TUSC3: variants seen among roughly 807,000 people sequenced by gnomAD.
TUSC3 encodes dolichyl-diphosphooligosaccharide--protein glycosyltransferase subunit TUSC3.
Under a neutral mutation model 44.8 loss-of-function variants are expected in TUSC3, and 45 were observed. That is an observed-to-expected ratio of 1.00 (90% confidence interval 0.79 to 1.29). The LOEUF (loss-of-function observed/expected upper bound fraction) is 1.29, where lower values mean the gene tolerates loss of function less well. TUSC3 is among the 50% of genes most tolerant of loss of function. TUSC3 has a pLI of 0.00. For missense variants in TUSC3, 519 were observed against 437.9 expected (o/e 1.19, Z -1.65); for synonymous variants, 212 against 152.9 (o/e 1.39, Z -2.85).
the TUSC3 span, among the ~76,000 whole-genome samples, chr8:15,849,274 G>A: frequency 6.6e-6 from 1 of 152,030 alleles, no homozygotes; most frequent in African/African-American, 2.4e-5. Context: ...AATATTTAGA[G>A]GTAGTGATAT....
intron 7 of TUSC3, among the ~76,000 whole-genome samples, chr8:15,734,525 A>C (rs1198324359): frequency 6.6e-6 from 1 of 152,176 alleles, no homozygotes; most frequent in African/African-American, 2.4e-5. Context: ...ATATTTTTGC[A>C]AGTAAAAATT....
intron 6 of TUSC3, among the ~76,000 whole-genome samples, chr8:15,680,808 T>C (rs181722942): frequency 2.0e-5 from 3 of 152,254 alleles, no homozygotes; most frequent in Admixed American, 6.5e-5. Flanking sequence ...TGCTGGACAT[T>C]ATTGAAAGCT....
intron 6 of TUSC3, among the ~76,000 whole-genome samples, chr8:15,718,100 C>T (rs779476163): frequency 8.6e-5 from 13 of 152,032 alleles, no homozygotes; most frequent in African/African-American, 3.1e-4. Flanking sequence ...TGAATTACCT[C>T]TAAACAATTT....
chr8:15,603,657 T>A (rs1470095870), intron 1 of TUSC3, among the ~76,000 whole-genome samples: 2 of 151,672 alleles, frequency 1.3e-5, no homozygotes, highest in African/African-American at 4.8e-5. Flanking sequence ...GTGACAGGTC[T>A]GATAGCCATT....
At chr8:15,773,151 C>T in the TUSC3 span, among the ~76,000 whole-genome samples, 2 of 152,062 alleles carry the variant, frequency 1.3e-5, no homozygotes, top group Non-Finnish European at 2.9e-5. Flanking sequence ...TAGGTAAGGA[C>T]ACAAAAAGAC....
intron 1 of TUSC3, among the ~76,000 whole-genome samples, chr8:15,548,398 T>C (rs1280876668): frequency 6.6e-6 from 1 of 151,864 alleles, no homozygotes; most frequent in African/African-American, 2.4e-5. Context: ...ATGATACAGT[T>C]GTACATGGCT....
chr8:15,541,369 G>A (rs868299609), intron 1 of TUSC3, among the ~76,000 whole-genome samples: 18 of 152,250 alleles, frequency 1.2e-4, no homozygotes, highest in African/African-American at 3.8e-4. Context: ...TAGTTATTTC[G>A]GGAATGTGAC....
At chr8:15,434,860 T>C (rs1483918162) in intron 1 of TUSC3, among the ~76,000 whole-genome samples, 2 of 152,106 alleles carry the variant, frequency 1.3e-5, no homozygotes, top group East Asian at 3.9e-4. Context: ...ACAAAGGACA[T>C]GAACTCATCA....
At chr8:15,792,045 C>G in the TUSC3 span, among the ~76,000 whole-genome samples, 1 of 151,966 alleles carries the variant, frequency 6.6e-6, no homozygotes, top group Non-Finnish European at 1.5e-5. Context: ...TGTTGTGGTT[C>G]ATGGGTTGGA....
chr8:15,655,650 C>G (rs538996190), intron 3 of TUSC3, among the ~76,000 whole-genome samples: 24 of 152,322 alleles, frequency 1.6e-4, no homozygotes, highest in African/African-American at 5.8e-4. Context: ...GCCTCAGTCT[C>G]TAACTCTGCT....
chr8:15,514,518 C>A (rs2129128539), intron 2 of TUSC3, among the ~76,000 whole-genome samples: 1 of 152,196 alleles, frequency 6.6e-6, no homozygotes, highest in East Asian at 1.9e-4. Flanking sequence ...TGTAGACTTA[C>A]CTTACAATCA....
intron 2 of TUSC3, among the ~76,000 whole-genome samples, chr8:15,501,465 C>T (rs551828334): frequency 5.3e-5 from 8 of 152,256 alleles, no homozygotes; most frequent in Admixed American, 2.0e-4. Flanking sequence ...AAGACAATGC[C>T]ATATTCATCT....
intron 2 of TUSC3, among the ~76,000 whole-genome samples, chr8:15,640,539 A>G (rs941636293): frequency 1.5e-4 from 23 of 152,290 alleles, no homozygotes; most frequent in Non-Finnish European, 2.6e-4. Flanking sequence ...TATATTTAAT[A>G]TTCATTTTAG....
intron 5 of TUSC3, among the ~76,000 whole-genome samples, chr8:15,662,891 T>C (rs1807488389): frequency 6.6e-6 from 1 of 151,880 alleles, no homozygotes; most frequent in African/African-American, 2.4e-5. Flanking sequence ...TCCCAGATTG[T>C]GACATGAGCT....
At chr8:15,697,690 A>T (rs1482094833) in intron 6 of TUSC3, among the ~76,000 whole-genome samples, 2 of 152,176 alleles carry the variant, frequency 1.3e-5, no homozygotes, top group Admixed American at 1.3e-4. Flanking sequence ...TGTACATTTT[A>T]TTATCTGTTT....
chr8:15,582,104 G>C (rs112403883), intron 1 of TUSC3, among the ~76,000 whole-genome samples: 5 of 150,692 alleles, frequency 3.3e-5, no homozygotes, highest in Non-Finnish European at 7.4e-5. Context: ...TCTTTGACTC[G>C]GAAAGGGAAC....
the TUSC3 span, among the ~76,000 whole-genome samples, chr8:15,817,560 G>A: frequency 1.3e-5 from 2 of 152,056 alleles, no homozygotes; most frequent in African/African-American, 2.4e-5. Flanking sequence ...CCGTGACAGT[G>A]AGTTCTCATG....
chr8:15,430,375 A>C (rs1799857298), intron 1 of TUSC3, among the ~76,000 whole-genome samples: 1 of 150,708 alleles, frequency 6.6e-6, no homozygotes, highest in Non-Finnish European at 1.5e-5. Context: ...CAAAGACAAA[A>C]ACTACATGAT....
chr8:15,653,603 T>G (rs927437569), intron 3 of TUSC3, among the ~76,000 whole-genome samples: 13 of 152,174 alleles, frequency 8.5e-5, no homozygotes, highest in Non-Finnish European at 1.3e-4. Flanking sequence ...TAGAACTGCC[T>G]TGTCTTTCCC....
Sources: gnomAD v4.1 joint callset for allele counts (sites outside exome capture counted in the v4.1 genomes callset) on GRCh38, gnomAD v4.1.1 for gene constraint, MANE v1.5 for transcripts, NCBI Gene and HGNC (gene_info 2026-07-23, HGNC 2026-07-21) for gene names.